Variants in RPS6KA2 observed in about 807,000 individuals in gnomAD.
RPS6KA2 encodes the protein ribosomal protein S6 kinase A2.
Under a neutral mutation model 91.8 loss-of-function variants are expected in RPS6KA2, and 42 were observed. The observed-to-expected ratio is 0.46, with a 90% CI of 0.36 to 0.59. The LOEUF (loss-of-function observed/expected upper bound fraction) is 0.59, where lower values mean the gene tolerates loss of function less well. RPS6KA2 is among the 20% of genes least tolerant of loss of function. The pLI is 0.00. For synonymous variants in RPS6KA2, 414 were observed against 393.6 expected, an observed-to-expected ratio of 1.05 and a Z score of -0.61; for missense variants, 798 against 978.5, an observed-to-expected ratio of 0.82 and a Z score of 2.46.
intron 12 of RPS6KA2, among the ~76,000 whole-genome samples, chr6:166,455,117 T>TC (rs1211017960): frequency 3.3e-5 from 5 of 152,034 alleles, no homozygotes; most frequent in South Asian, 2.1e-4. Flanking sequence ...CAGCACTTCT[T>TC]CCCCCCCTCG....
chr6:166,827,824 A>C (rs1780086650), intron 2 of RPS6KA2, among the ~76,000 whole-genome samples: 1 of 152,258 alleles, frequency 6.6e-6, no homozygotes, highest in African/African-American at 2.4e-5. Flanking sequence ...AACTGTAAGG[A>C]TAGGCTGGTG....
At chr6:166,520,019 A>T (rs1260865168) in intron 3 of RPS6KA2, among the ~76,000 whole-genome samples, 1 of 152,142 alleles carries the variant, frequency 6.6e-6, no homozygotes, top group Non-Finnish European at 1.5e-5. Flanking sequence ...CTATATGGGC[A>T]GGCACCATCC....
rs1446115875 is a variant in RPS6KA2, at chr6:166,603,056, TAAGA to T, written c.99+23861_99+23864del. Among the ~76,000 whole-genome samples, 1 of 152,202 alleles carries T rather than the reference TAAGA, an allele frequency of 6.6e-6. No individual in the cohort carries two copies. Among genetic ancestry groups the T allele is most frequent in the Non-Finnish European group, 1.5e-5 (1 of 68,030 alleles). On this transcript the variant is annotated intron_variant, in intron 1 of 20. Transcript: ENST00000265678. This position sits in a 1 kb window ranked among gnomAD's most constrained non-coding sequence, Gnocchi z 4.3. Reference sequence around the variant, plus strand: ...CCTCTGGATGAGTTCATTCAAAGACTAAGAGACCTAAACATTTGGAAATGTAAAC... The same window carrying T: ...CCTCTGGATGAGTTCATTCAAAGACTGACCTAAACATTTGGAAATGTAAAC...
chr6:166,793,041 A>C (rs951288679), intron 2 of RPS6KA2, among the ~76,000 whole-genome samples: 30 of 152,038 alleles, frequency 2.0e-4, no homozygotes, highest in African/African-American at 7.3e-4. Context: ...AGGGTATTCA[A>C]TTAGGAAAAG....
At chr6:166,633,207 G>A (rs1323543017) in intron 2 of RPS6KA2, among the ~76,000 whole-genome samples, 1 of 152,208 alleles carries the variant, frequency 6.6e-6, no homozygotes. Context: ...GTAACAGAGT[G>A]AGAGCCCATC....
Position 166,418,136 on chromosome 6 carries a change from A to G in RPS6KA2, c.1938+89T>C. The G allele has an allele frequency of 1.2e-6, 1 of 855,350 alleles. No individual in the cohort carries two copies. 53.0% of individuals were successfully genotyped at this position (855,350 alleles called of 1,614,324 possible). ...TGAGGATAAAATACCTATACTACTT[A>G]CATAAAACCTATCCCCTGGCTTCCT... On this transcript the variant is annotated intron_variant, in intron 19 of 20. Transcript: ENST00000265678. This position sits in a 1 kb window ranked among gnomAD's most constrained non-coding sequence, Gnocchi z 4.9.
chr6:166,558,288 T>C (rs1236718956), intron 1 of RPS6KA2, among the ~76,000 whole-genome samples: 1 of 152,080 alleles, frequency 6.6e-6, no homozygotes, highest in African/African-American at 2.4e-5. Context: ...AAAACACCAA[T>C]GTCACAGCTC....
chr6:166,482,306 G>C (rs1319651052), intron 10 of RPS6KA2, among the ~76,000 whole-genome samples: 2 of 152,184 alleles, frequency 1.3e-5, no homozygotes, highest in Admixed American at 6.5e-5. Context: ...ATTTTACTTG[G>C]GTTGTCACCA....
intron 2 of RPS6KA2, among the ~76,000 whole-genome samples, chr6:166,830,794 T>C (rs920653714): frequency 7.9e-5 from 12 of 152,202 alleles, no homozygotes; most frequent in African/African-American, 2.9e-4. Context: ...GTCATCTCCA[T>C]GGCTGTGTGG....
intron 1 of RPS6KA2, among the ~76,000 whole-genome samples, chr6:166,556,246 C>T (rs1036548866): frequency 6.4e-4 from 97 of 152,156 alleles, no homozygotes; most frequent in African/African-American, 2.1e-3. Flanking sequence ...GTTCTCTGCT[C>T]GGGTTCAGAC....
chr6:166,772,574 T>C (rs1210640185), intron 2 of RPS6KA2, among the ~76,000 whole-genome samples: 1 of 152,210 alleles, frequency 6.6e-6, no homozygotes, highest in Non-Finnish European at 1.5e-5. Flanking sequence ...GGAACATAAA[T>C]GACGCTTTTA....
At chr6:166,698,744 G>A (rs6918950) in intron 2 of RPS6KA2, among the ~76,000 whole-genome samples, 7,839 of 152,296 alleles carry the variant, frequency 0.051, 663 homozygotes, top group African/African-American at 0.18. Context: ...GCTGGTGGAT[G>A]AGGTGGCGAA....
intron 1 of RPS6KA2, among the ~76,000 whole-genome samples, chr6:166,605,672 T>G (rs1583319757): frequency 6.6e-6 from 1 of 152,186 alleles, no homozygotes; most frequent in Non-Finnish European, 1.5e-5. Flanking sequence ...GAGGTGGCAT[T>G]TTAGATAGAA....
intron 1 of RPS6KA2, among the ~76,000 whole-genome samples, chr6:166,577,366 TCAGA>T (rs1784867865): frequency 6.6e-6 from 1 of 152,154 alleles, no homozygotes; most frequent in Admixed American, 6.5e-5. Context: ...TGGAAAAGCC[TCAGA>T]CACTCAACAC....
intron 1 of RPS6KA2, among the ~76,000 whole-genome samples, chr6:166,568,491 C>T (rs1784573368): frequency 6.6e-6 from 1 of 151,982 alleles, no homozygotes; most frequent in South Asian, 2.1e-4. Context: ...GTGGCAGGCA[C>T]CTGTAGTCCC....
Position 166,492,896 on chromosome 6 carries a change from T to A in RPS6KA2, c.748-2155A>T, listed in dbSNP as rs1225399570. Among the ~76,000 whole-genome samples the A allele has an allele frequency of 2.7e-5, 4 of 149,582 alleles. No homozygotes were observed. The East Asian group carries it at 7.8e-4, about 29-fold the overall frequency. ...ATGCCTGGCTAATTTTTGTATTTTT[T>A]TTTTTTTTTTTTTTTAGTAGAGACA... On this transcript the variant is annotated intron_variant, in intron 8 of 20. Coordinates refer to ENST00000265678, the MANE Select transcript of RPS6KA2 (RefSeq NM_021135.6).
intron 1 of RPS6KA2, among the ~76,000 whole-genome samples, chr6:166,555,888 C>T (rs1405125146): frequency 6.6e-6 from 1 of 152,036 alleles, no homozygotes; most frequent in Non-Finnish European, 1.5e-5. Context: ...AGGAAGGAGA[C>T]TAGAGGATGC....
chr6:166,654,793 C>T (rs1409617625), intron 2 of RPS6KA2, among the ~76,000 whole-genome samples: 4 of 152,122 alleles, frequency 2.6e-5, no homozygotes, highest in South Asian at 2.1e-4. Context: ...CTGTACATCA[C>T]GTTAGGAGAC....
chr6:166,813,120 A>G (rs1779681084), intron 2 of RPS6KA2, among the ~76,000 whole-genome samples: 1 of 151,844 alleles, frequency 6.6e-6, no homozygotes, highest in Non-Finnish European at 1.5e-5. Context: ...CTCCCTGGAG[A>G]ACGGATCCAG....
Sources: allele counts gnomAD v4.1 joint callset (sites outside exome capture counted in the v4.1 genomes callset), GRCh38; gene constraint gnomAD v4.1.1; non-coding constraint Gnocchi (gnomAD v3.1); transcripts MANE v1.5; gene names NCBI Gene and HGNC (gene_info 2026-07-23, HGNC 2026-07-21).